Variants in FOCAD observed in about 807,000 individuals in gnomAD.
The protein encoded by FOCAD is KIAA1797.
In FOCAD, 198 loss-of-function variants were observed where a neutral mutation model predicts 225.6. The ratio of observed to expected loss-of-function variants is 0.88; its 90% CI spans 0.78 to 0.99. FOCAD has a LOEUF of 0.99. FOCAD is among the 50% of genes least tolerant of loss of function. The pLI is 0.00. For missense variants in FOCAD, 2,713 were observed against 2,123.6 expected (o/e 1.28, Z -5.46); for synonymous variants, 897 against 755.0 (o/e 1.19, Z -3.08).
rs138818011 is a variant in FOCAD, at chr9:20,733,611, G to T, written c.288-6625G>T. On this transcript the variant is annotated intron_variant, in intron 4 of 43. Coordinates refer to ENST00000338382, the MANE Select transcript of FOCAD (RefSeq NM_001375567.1). ...TATGAGTGAGAACATGCGGTGTTTG[G>T]TTTTTTGTCCTTGCGATAGTTTACT... 2.3e-3 allele frequency among the ~76,000 whole-genome samples: 355 copies of T among 152,164 alleles called. 1 individual carries two copies. The highest frequency in any genetic ancestry group is 7.6e-3 in the African/African-American group (315 of 41,492).
chr9:20,694,770 A>G (rs7042637), intron 1 of FOCAD, among the ~76,000 whole-genome samples: 5,696 of 152,240 alleles, frequency 0.037, 379 homozygotes, highest in African/African-American at 0.13. Context: ...AATTGTCTTT[A>G]ATTAATAAGG....
chr9:20,769,754 G>A (rs1395259653), intron 7 of FOCAD, among the ~76,000 whole-genome samples: 1 of 152,176 alleles, frequency 6.6e-6, no homozygotes, highest in Non-Finnish European at 1.5e-5. Context: ...CTTGTTTTAA[G>A]ACATCTGCAC....
intron 1 of FOCAD, among the ~76,000 whole-genome samples, chr9:20,707,175 A>G (rs1458113466): frequency 6.6e-6 from 1 of 152,200 alleles, no homozygotes; most frequent in Non-Finnish European, 1.5e-5. Context: ...GCTTTCTCTG[A>G]TTATAATATT....
chr9:20,818,013 AG>A (rs1167118907), intron 11 of FOCAD, among the ~76,000 whole-genome samples: 2 of 152,172 alleles, frequency 1.3e-5, no homozygotes, highest in African/African-American at 4.8e-5. Flanking sequence ...GCAGTGTACA[AG>A]GGTTCCAATT....
intron 7 of FOCAD, among the ~76,000 whole-genome samples, chr9:20,766,169 C>T (rs1400860627): frequency 1.3e-5 from 2 of 152,128 alleles, no homozygotes; most frequent in South Asian, 2.1e-4. Context: ...TCTTATGAAC[C>T]TGTGTTGACA....
intron 21 of FOCAD, among the ~76,000 whole-genome samples, chr9:20,895,669 A>G (rs1832017962): frequency 2.0e-5 from 3 of 151,494 alleles, no homozygotes; most frequent in African/African-American, 4.8e-5. Flanking sequence ...TTCAGCTTCT[A>G]TTTTTTTCAT....
At chr9:20,682,016 A>G (rs149045272), upstream of FOCAD, among the ~76,000 whole-genome samples, 1,849 of 152,260 alleles carry the variant, frequency 0.012, 39 homozygotes, top group African/African-American at 0.043. Flanking sequence ...AGGTGGGGCC[A>G]TTGGGAGGTG....
At chr9:20,753,191 A>G (rs955178413) in intron 5 of FOCAD, among the ~76,000 whole-genome samples, 2 of 151,982 alleles carry the variant, frequency 1.3e-5, no homozygotes, top group Non-Finnish European at 2.9e-5. Context: ...AACTTCCAAC[A>G]CTATGTTGAA....
In FOCAD at chr9:20,789,547, G is replaced by C. The variant is rs78653020; in HGVS notation, c.1394G>C (p.Gly465Ala). Reference sequence around the variant, plus strand: ...GCTCACCTCCTTGTTGAAGACAAAGGACAAAATCTTCACCAAATACTCAAG... The same window carrying C: ...GCTCACCTCCTTGTTGAAGACAAAGCACAAAATCTTCACCAAATACTCAAG... ...LLAHLLVEDK[G>A]QNLHQILKVT... The change falls in exon 11 of 44, where the codon GGA becomes GCA. Residue 465 changes from glycine (G) to alanine (A), a missense_variant. Coordinates refer to ENST00000338382, the MANE Select transcript of FOCAD (RefSeq NM_001375567.1). 766 of 1,613,924 alleles carry C rather than the reference G, an allele frequency of 4.7e-4. 7 individuals carry two copies. The East Asian group carries it at 0.016, about 34-fold the overall frequency.
intron 11 of FOCAD, among the ~76,000 whole-genome samples, chr9:20,801,441 C>G (rs1821824055): frequency 6.6e-6 from 1 of 152,126 alleles, no homozygotes; most frequent in African/African-American, 2.4e-5. Context: ...CTTGGCCTCC[C>G]AAAGTGCTGG....
chr9:20,841,357 T>A (rs1826507966), intron 15 of FOCAD, among the ~76,000 whole-genome samples: 1 of 151,872 alleles, frequency 6.6e-6, no homozygotes, highest in African/African-American at 2.4e-5. Context: ...GATTGCAGAG[T>A]TTAGGCCATT....
chr9:20,771,038 G>A (rs570205485), intron 8 of FOCAD, among the ~76,000 whole-genome samples: 1 of 152,244 alleles, frequency 6.6e-6, no homozygotes, highest in Non-Finnish European at 1.5e-5. Flanking sequence ...AAATGTAATG[G>A]GAGAACAAGT....
intron 27 of FOCAD, 141 bp from the exon 28 acceptor site, chr9:20,932,873 A>G (rs1835611582): frequency 5.0e-6 from 3 of 604,568 alleles, no homozygotes; most frequent in East Asian, 2.8e-5. Context: ...AGAATAGGCA[A>G]CTCATCAATA....
intron 5 of FOCAD, among the ~76,000 whole-genome samples, chr9:20,756,120 G>A (rs895195920): frequency 6.6e-6 from 1 of 152,178 alleles, no homozygotes; most frequent in African/African-American, 2.4e-5. Flanking sequence ...CTGCCAAAGG[G>A]TTTGGAATTG....
At chr9:20,694,988 T>G (rs1823237773) in intron 1 of FOCAD, among the ~76,000 whole-genome samples, 1 of 152,206 alleles carries the variant, frequency 6.6e-6, no homozygotes, top group Non-Finnish European at 1.5e-5. Context: ...AGTCACTTAT[T>G]CTGTACAATC....
chr9:20,798,899 G>A (rs1007883615), intron 11 of FOCAD, among the ~76,000 whole-genome samples: 1 of 152,056 alleles, frequency 6.6e-6, no homozygotes, highest in Non-Finnish European at 1.5e-5. Flanking sequence ...GCTTTTGAAT[G>A]TGTTTGCTCT....
intron 18 of FOCAD, among the ~76,000 whole-genome samples, chr9:20,868,602 C>T (rs1240256111): frequency 6.6e-6 from 1 of 152,044 alleles, no homozygotes; most frequent in African/African-American, 2.4e-5. Flanking sequence ...GGTAAACGTA[C>T]TTAGAGTTGG....
intron 20 of FOCAD, among the ~76,000 whole-genome samples, chr9:20,883,215 A>G (rs1467181749): frequency 6.6e-6 from 1 of 152,216 alleles, no homozygotes; most frequent in Non-Finnish European, 1.5e-5. Context: ...GAAAATATCA[A>G]TTCTAACTGG....
At chr9:20,693,759 G>C (rs1428724767) in intron 1 of FOCAD, among the ~76,000 whole-genome samples, 1 of 152,176 alleles carries the variant, frequency 6.6e-6, no homozygotes, top group Non-Finnish European at 1.5e-5. Context: ...TGCCCAGGCT[G>C]AAGTGCAGTG....
Sources: allele counts gnomAD v4.1 joint callset (sites outside exome capture counted in the v4.1 genomes callset), GRCh38; gene constraint gnomAD v4.1.1; transcripts MANE v1.5; gene names NCBI Gene and HGNC (gene_info 2026-07-23, HGNC 2026-07-21).